The following RALYL variants were observed in gnomAD, a reference collection of about 807,000 sequenced individuals.
RALYL encodes the protein RNA-binding Raly-like protein.
In RALYL, 29 loss-of-function variants were observed where a neutral mutation model predicts 35.1. The observed-to-expected ratio is 0.83, with a 90% CI of 0.61 to 1.13. RALYL has a LOEUF of 1.13. RALYL is among the 50% of genes most tolerant of loss of function. The pLI is 0.00. For synonymous variants in RALYL, 120 were observed against 127.6 expected (o/e 0.94, Z 0.40); for missense variants, 359 against 360.4 (o/e 1.00, Z 0.03).
chr8:84,413,769 T>A (rs1210242529), intron 1 of RALYL, among the ~76,000 whole-genome samples: 1 of 152,086 alleles, frequency 6.6e-6, no homozygotes, highest in Non-Finnish European at 1.5e-5. Flanking sequence ...ATGATTTCCA[T>A]ATAGAATTAG....
chr8:84,781,265 T>A (rs1586202090), intron 3 of RALYL, among the ~76,000 whole-genome samples: 3 of 152,184 alleles, frequency 2.0e-5, no homozygotes, highest in South Asian at 2.1e-4. Context: ...AAAAATAAAA[T>A]TTTTTAAAAG....
chr8:84,389,557 A>T (rs1860110048), intron 1 of RALYL, among the ~76,000 whole-genome samples: 2 of 150,752 alleles, frequency 1.3e-5, no homozygotes, highest in Admixed American at 1.3e-4. Context: ...GAGGTCCTTC[A>T]CATCCCTTGT....
At chr8:84,201,275 G>A (rs781314099) in intron 1 of RALYL, among the ~76,000 whole-genome samples, 3 of 152,146 alleles carry the variant, frequency 2.0e-5, no homozygotes, top group Admixed American at 1.3e-4. Context: ...AATTGATTTA[G>A]TATCTTTGAC....
chr8:84,251,868 G>A (rs960456459), intron 1 of RALYL, among the ~76,000 whole-genome samples: 1 of 150,844 alleles, frequency 6.6e-6, no homozygotes, highest in Admixed American at 6.6e-5. Context: ...TCTAATGATT[G>A]GGGGGAAGTT....
chr8:84,441,821 G>A (rs184558755), intron 1 of RALYL, among the ~76,000 whole-genome samples: 31 of 152,094 alleles, frequency 2.0e-4, no homozygotes, highest in Admixed American at 5.9e-4. Context: ...AGACATATAC[G>A]TCAATTCCTC....
intron 3 of RALYL, among the ~76,000 whole-genome samples, chr8:84,799,975 A>C (rs1195575959): frequency 6.6e-6 from 1 of 152,126 alleles, no homozygotes; most frequent in Non-Finnish European, 1.5e-5. Flanking sequence ...TAAATAAATA[A>C]ATAAAATAAG....
chr8:84,382,027 TATAA>T (rs1427665596), intron 1 of RALYL, among the ~76,000 whole-genome samples: 2 of 151,704 alleles, frequency 1.3e-5, no homozygotes, highest in South Asian at 2.1e-4. Flanking sequence ...CCCTCCAAGT[TATAA>T]ATAAATTATA....
chr8:84,480,505 G>A (rs944547275), intron 1 of RALYL, among the ~76,000 whole-genome samples: 5 of 152,136 alleles, frequency 3.3e-5, no homozygotes, highest in African/African-American at 9.7e-5. Flanking sequence ...ACTTCTGTGC[G>A]TATTCTAAAT....
At chr8:84,760,242 C>T (rs1376727179) in intron 2 of RALYL, among the ~76,000 whole-genome samples, 2 of 151,448 alleles carry the variant, frequency 1.3e-5, no homozygotes, top group African/African-American at 4.9e-5. Context: ...ATTTTTTTTC[C>T]ATGTTGATAT....
At chr8:84,882,815 G>T (rs1842393333) in intron 7 of RALYL, among the ~76,000 whole-genome samples, 1 of 116,274 alleles carries the variant, frequency 8.6e-6, no homozygotes, top group East Asian at 4.1e-4. Flanking sequence ...CAAATAAAGA[G>T]AATTGTATAA....
intron 5 of RALYL, among the ~76,000 whole-genome samples, chr8:84,859,647 C>T (rs1315545163): frequency 6.6e-6 from 1 of 151,984 alleles, no homozygotes; most frequent in East Asian, 1.9e-4. Flanking sequence ...TCCAAGAGTT[C>T]GAGACCAGGC....
In RALYL at chr8:84,493,114, G is replaced by A. The variant is rs534924744; in HGVS notation, c.-23-36185G>A. Among the ~76,000 whole-genome samples, 16 of 152,180 alleles carry A rather than the reference G, an allele frequency of 1.1e-4. No homozygotes were observed. In the East Asian group the frequency reaches 2.9e-3, roughly 28 times the overall value. On this transcript the variant is annotated intron_variant, in intron 1 of 8. Transcript: ENST00000521268. ...TCTGGTATGTGTTGTTCCCCTCCCT[G>A]TGTCCATGTGTTCTCATTGTTTAAC...
intron 2 of RALYL, among the ~76,000 whole-genome samples, chr8:84,636,803 G>A (rs1017526107): frequency 3.3e-5 from 5 of 151,846 alleles, no homozygotes; most frequent in African/African-American, 1.2e-4. Context: ...TTTCAAATGT[G>A]AGGAGGGAAA....
At chr8:84,602,910 C>T (rs1277349577) in intron 2 of RALYL, among the ~76,000 whole-genome samples, 1 of 152,036 alleles carries the variant, frequency 6.6e-6, no homozygotes, top group Non-Finnish European at 1.5e-5. Flanking sequence ...ATTTATATTA[C>T]ATCATCTGTG....
intron 2 of RALYL, among the ~76,000 whole-genome samples, chr8:84,557,178 A>G (rs1252201): frequency 0.9 from 137,156 of 152,228 alleles, 62,082 homozygotes; most frequent in East Asian, 1. Context: ...CCAGGAAAAG[A>G]CTTCTTTGTA....
At chr8:84,207,049 C>A (rs1818224502) in intron 1 of RALYL, among the ~76,000 whole-genome samples, 1 of 152,070 alleles carries the variant, frequency 6.6e-6, no homozygotes, top group Non-Finnish European at 1.5e-5. Context: ...GAAAAGGGAA[C>A]TCTTGTGTGC....
chr8:84,772,133 G>T (rs190122724), intron 2 of RALYL, among the ~76,000 whole-genome samples: 1 of 151,684 alleles, frequency 6.6e-6, no homozygotes. Flanking sequence ...CTGCTATGTC[G>T]GCTCCATGTG....
chr8:84,357,027 A>C (rs1369805715), intron 1 of RALYL, among the ~76,000 whole-genome samples: 1 of 152,088 alleles, frequency 6.6e-6, no homozygotes. Flanking sequence ...CTTTCTCTAA[A>C]ATACTGGACA....
intron 1 of RALYL, among the ~76,000 whole-genome samples, chr8:84,283,208 G>T (rs932110340): frequency 6.6e-6 from 1 of 152,092 alleles, no homozygotes; most frequent in South Asian, 2.1e-4. Context: ...ATGTATAAAA[G>T]AATTATGTGT....
Sources: allele counts gnomAD v4.1 joint callset (sites outside exome capture counted in the v4.1 genomes callset), GRCh38; gene constraint gnomAD v4.1.1; transcripts MANE v1.5; gene names NCBI Gene and HGNC (gene_info 2026-07-23, HGNC 2026-07-21).